Variants in LRP1B observed in about 807,000 individuals in gnomAD.
The protein encoded by LRP1B is LDL receptor related protein 1B, also known as low-density lipoprotein receptor-related protein 1B.
A neutral mutation model predicts 556.6 loss-of-function variants in LRP1B; 217 were observed. The observed-to-expected ratio is 0.39, with a 90% CI of 0.35 to 0.44. The LOEUF is 0.44. Among genes scored for constraint, LRP1B ranks in the 20% least tolerant of loss-of-function variants. The probability of loss-of-function intolerance (pLI) is 1.00; values close to 1 mark genes in which losing one functional copy is unlikely to be tolerated. For missense variants in LRP1B, 5,053 were observed against 5,620.8 expected (o/e 0.90, Z 3.23); for synonymous variants, 2,047 against 1,865.8 (o/e 1.10, Z -2.50).
chr2:141,651,089 G>A (rs1689772160), intron 2 of LRP1B, among the ~76,000 whole-genome samples: 1 of 152,116 alleles, frequency 6.6e-6, no homozygotes. Context: ...GGTCAACCTT[G>A]TAAAACATTA....
At chr2:140,470,954 C>A (rs945550893) in intron 60 of LRP1B, among the ~76,000 whole-genome samples, 7 of 152,146 alleles carry the variant, frequency 4.6e-5, no homozygotes, top group African/African-American at 1.4e-4. Context: ...AAGATCAGTA[C>A]TCCAGCAAAG....
chr2:140,311,457 A>T (rs2105028906), intron 83 of LRP1B, among the ~76,000 whole-genome samples: 1 of 151,852 alleles, frequency 6.6e-6, no homozygotes, highest in East Asian at 1.9e-4. Flanking sequence ...TCTTACTTAT[A>T]AATAGGAGCC....
intron 31 of LRP1B, among the ~76,000 whole-genome samples, chr2:140,839,230 C>T (rs1049083796): frequency 3.9e-5 from 6 of 152,218 alleles, no homozygotes; most frequent in Admixed American, 6.5e-5. Context: ...TTATTTAATA[C>T]ATTGCAAAAA....
At chr2:141,959,259 A>G (rs1160121972) in intron 1 of LRP1B, among the ~76,000 whole-genome samples, 1 of 151,972 alleles carries the variant, frequency 6.6e-6, no homozygotes. Flanking sequence ...TGCTACTCAG[A>G]AAGGTGGCAG....
intron 29 of LRP1B, among the ~76,000 whole-genome samples, chr2:140,843,961 A>C (rs2087024): frequency 0.6 from 91,645 of 152,052 alleles, 28,447 homozygotes; most frequent in Middle Eastern, 0.72. Flanking sequence ...ATGAACTATA[A>C]AATCTAAAAT....
At chr2:140,537,206 A>ATAC (rs1679946290) in intron 45 of LRP1B, among the ~76,000 whole-genome samples, 1 of 146,098 alleles carries the variant, frequency 6.8e-6, no homozygotes, top group South Asian at 2.1e-4. Context: ...AGAATATATA[A>ATAC]TATAATATAT....
intron 14 of LRP1B, among the ~76,000 whole-genome samples, chr2:141,009,034 A>G (rs1697661664): frequency 6.6e-6 from 1 of 151,966 alleles, no homozygotes; most frequent in African/African-American, 2.4e-5. Flanking sequence ...CCATTGTTTC[A>G]GTCTTTCCTT....
chr2:141,842,178 T>A (rs918766676), intron 1 of LRP1B, among the ~76,000 whole-genome samples: 2 of 152,128 alleles, frequency 1.3e-5, no homozygotes, highest in Non-Finnish European at 2.9e-5. Flanking sequence ...GACTTTGGTT[T>A]TTGTATCCTT....
intron 24 of LRP1B, among the ~76,000 whole-genome samples, chr2:140,885,204 CATAATT>C (rs1164208957): frequency 6.6e-6 from 1 of 152,032 alleles, no homozygotes; most frequent in Non-Finnish European, 1.5e-5. Flanking sequence ...GTTTACATAT[CATAATT>C]ATATTATGTG....
At position 141,402,631 on chromosome 2, in the gene LRP1B, C is replaced by T. The variant is rs574455144; in HGVS notation, c.343+77765G>A. ...TCTTCATGTATACTTTTATTATTTC[C>T]TGCACACTGGTGATTTTGTTATATT... On this transcript the variant is annotated intron_variant, in intron 3 of 90. Coordinates refer to ENST00000389484, the MANE Select transcript of LRP1B (RefSeq NM_018557.3). Among the ~76,000 whole-genome samples, 69 of 151,952 alleles carry T rather than the reference C, an allele frequency of 4.5e-4. No individual in the cohort carries two copies. In the Middle Eastern group the frequency reaches 0.01, roughly 22 times the overall value.
chr2:141,755,389 C>A (rs1280781578), intron 2 of LRP1B, among the ~76,000 whole-genome samples: 1 of 151,852 alleles, frequency 6.6e-6, no homozygotes, highest in Non-Finnish European at 1.5e-5. Context: ...TACACATAGA[C>A]CACATACCTA....
chr2:141,805,991 G>A (rs1044877726), intron 2 of LRP1B, among the ~76,000 whole-genome samples: 22 of 152,054 alleles, frequency 1.4e-4, no homozygotes, highest in African/African-American at 5.3e-4. Context: ...ATTCTGTGAA[G>A]GGGAATGGGC....
intron 1 of LRP1B, among the ~76,000 whole-genome samples, chr2:142,112,439 T>A (rs6728101): frequency 0.92 from 139,222 of 152,084 alleles, 63,759 homozygotes; most frequent in East Asian, 1. Flanking sequence ...AAAAATGTTT[T>A]AAAAAGCCAT....
chr2:140,609,109 T>C (rs534857946), intron 41 of LRP1B, among the ~76,000 whole-genome samples: 1 of 152,292 alleles, frequency 6.6e-6, no homozygotes, highest in East Asian at 1.9e-4. Flanking sequence ...AACATTGGCA[T>C]GTCCGGAGCT....
chr2:141,669,623 T>C (rs1360302573), intron 2 of LRP1B, among the ~76,000 whole-genome samples: 1 of 152,152 alleles, frequency 6.6e-6, no homozygotes, highest in Non-Finnish European at 1.5e-5. Flanking sequence ...CAGGCCAAAC[T>C]TAACAATAAA....
chr2:141,742,236 G>GTT lies in LRP1B; in HGVS notation c.205+68041_205+68042dup, dbSNP rs71301751. On this transcript the variant is annotated intron_variant, in intron 2 of 90. Coordinates refer to ENST00000389484, the MANE Select transcript of LRP1B (RefSeq NM_018557.3). ...GAAGTCAGGTAATGTGATTCCTCCAGTTTTTTTTTTCTTTCTTTCTTTTTT... is the reference window on the plus strand; with the variant it reads ...GAAGTCAGGTAATGTGATTCCTCCAGTTTTTTTTTTTTCTTTCTTTCTTTTTT... Among the ~76,000 whole-genome samples, 76 of 143,966 alleles carry GTT rather than the reference G, an allele frequency of 5.3e-4. No homozygotes were observed. In the East Asian group the frequency reaches 5.9e-3, roughly 11 times the overall value. 94.4% of individuals were successfully genotyped at this position (143,966 alleles called of 152,430 possible).
chr2:141,119,906 C>T (rs1350042282), intron 7 of LRP1B, among the ~76,000 whole-genome samples: 1 of 151,772 alleles, frequency 6.6e-6, no homozygotes, highest in Non-Finnish European at 1.5e-5. Flanking sequence ...ATCTATCACC[C>T]TGAAGATCCA....
chr2:140,919,368 C>A (rs1039217295), intron 21 of LRP1B, among the ~76,000 whole-genome samples: 1 of 149,634 alleles, frequency 6.7e-6, no homozygotes, highest in African/African-American at 2.5e-5. Context: ...AATCTCCAAG[C>A]CAGACAGAAG....
chr2:141,255,148 G>C (rs891711532), intron 3 of LRP1B, among the ~76,000 whole-genome samples: 2 of 151,948 alleles, frequency 1.3e-5, no homozygotes, highest in Admixed American at 1.3e-4. Context: ...TGAACTATTT[G>C]AGAAAAGACA....
Sources: gnomAD v4.1 joint callset for allele counts (sites outside exome capture counted in the v4.1 genomes callset) on GRCh38, gnomAD v4.1.1 for gene constraint, MANE v1.5 for transcripts, NCBI Gene and HGNC (gene_info 2026-07-23, HGNC 2026-07-21) for gene names.